Variants in PHLPP1 observed in about 807,000 individuals in gnomAD.
The protein encoded by PHLPP1 is PH domain leucine-rich repeat-containing protein phosphatase 1.
A neutral mutation model predicts 117.2 loss-of-function variants in PHLPP1; 42 were observed. The ratio of observed to expected loss-of-function variants is 0.36; its 90% CI spans 0.28 to 0.46. The LOEUF is 0.46. Among genes scored for constraint, PHLPP1 ranks in the 20% least tolerant of loss-of-function variants. The pLI is 1.00. For missense variants in PHLPP1, 2,084 were observed against 2,241.9 expected (o/e 0.93, Z 1.42); for synonymous variants, 1,042 against 970.7 (o/e 1.07, Z -1.37).
intron 3 of PHLPP1, among the ~76,000 whole-genome samples, chr18:62,858,476 T>C (rs1215269872): frequency 2.6e-5 from 4 of 152,174 alleles, no homozygotes; most frequent in Non-Finnish European, 4.4e-5. Context: ...TTGGCCAGGC[T>C]GGTCTGGAAC....
intron 13 of PHLPP1, among the ~76,000 whole-genome samples, 196 bp downstream of exon 13, chr18:62,958,955 G>T (rs1364694208): frequency 6.6e-6 from 1 of 152,240 alleles, no homozygotes; most frequent in African/African-American, 2.4e-5. Flanking sequence ...CACTGATAAC[G>T]TGGTTGTGAC....
intron 4 of PHLPP1, among the ~76,000 whole-genome samples, chr18:62,891,301 A>G (rs1916402050): frequency 6.6e-6 from 1 of 152,250 alleles, no homozygotes. Context: ...TAACTAAGAA[A>G]TATAGGCTGG....
rs763963973 is a variant in PHLPP1, at chr18:62,717,111, C to T, written c.1428C>T (p.His476=). 101 of 1,575,456 alleles carry T rather than the reference C, an allele frequency of 6.4e-5. No individual in the cohort carries two copies. Among genetic ancestry groups the T allele is most frequent in the Non-Finnish European group, 8.4e-5 (98 of 1,161,372 alleles). Residue 476 remains histidine (H), a synonymous_variant, in exon 1 of 17, where the codon CAC becomes CAT. Coordinates refer to ENST00000262719, the MANE Select transcript of PHLPP1 (RefSeq NM_194449.4). The part of the protein sequence containing the change: ...PPPPTLYVQL[H]GETTRRLEAE... The stretch of plus-strand genomic sequence containing the variant: ...CGCCCACCCTGTACGTGCAGCTCCA[C>T]GGAGAGACCACCCGGCGCTTGGAGG...
At chr18:62,952,902 G>A (rs1332706483) in intron 12 of PHLPP1, among the ~76,000 whole-genome samples, 2 of 152,120 alleles carry the variant, frequency 1.3e-5, no homozygotes, top group Admixed American at 6.5e-5. Context: ...AATTACAGAC[G>A]TGAGCCACTG....
intron 3 of PHLPP1, among the ~76,000 whole-genome samples, chr18:62,848,454 G>GTTTT (rs1491046399): frequency 9.9e-6 from 1 of 101,450 alleles, no homozygotes; most frequent in African/African-American, 3.5e-5. Flanking sequence ...GTTTTTTGTT[G>GTTTT]ATTTTTTTTT....
At chr18:62,976,319 C>T (rs968081112) in intron 16 of PHLPP1, among the ~76,000 whole-genome samples, 3 of 152,114 alleles carry the variant, frequency 2.0e-5, no homozygotes, top group Non-Finnish European at 2.9e-5. Flanking sequence ...AGGGCAGTCT[C>T]CACAACACAG....
intron 6 of PHLPP1, among the ~76,000 whole-genome samples, chr18:62,897,900 T>A (rs987324621): frequency 6.6e-6 from 1 of 151,766 alleles, no homozygotes; most frequent in Non-Finnish European, 1.5e-5. Flanking sequence ...TTTTATTCAA[T>A]TTTTTTTCCC....
chr18:62,789,430 A>G (rs1913393140), intron 1 of PHLPP1, among the ~76,000 whole-genome samples: 1 of 152,208 alleles, frequency 6.6e-6, no homozygotes, highest in Non-Finnish European at 1.5e-5. Flanking sequence ...TTGAAGAGTC[A>G]CATGGACAAA....
chr18:62,840,648 G>A (rs1296833502), intron 3 of PHLPP1, among the ~76,000 whole-genome samples: 1 of 152,204 alleles, frequency 6.6e-6, no homozygotes, highest in Non-Finnish European at 1.5e-5. Flanking sequence ...TAGGATCAAA[G>A]TGCAGCACAT....
chr18:62,736,883 A>G (rs886902549), intron 1 of PHLPP1, among the ~76,000 whole-genome samples: 2 of 152,200 alleles, frequency 1.3e-5, no homozygotes, highest in African/African-American at 2.4e-5. Context: ...TCTAGGAGCC[A>G]TTTATTTTTT....
At chr18:62,930,301 T>C (rs748133603) in intron 10 of PHLPP1, among the ~76,000 whole-genome samples, 1 of 152,202 alleles carries the variant, frequency 6.6e-6, no homozygotes, top group Non-Finnish European at 1.5e-5. Flanking sequence ...TCAGTACATG[T>C]GCTTGAACCC....
chr18:62,826,311 C>T, intron 1 of PHLPP1: 1 of 372,306 alleles, frequency 2.7e-6, no homozygotes, highest in Non-Finnish European at 5.3e-6. Context: ...ATAAGCTGAC[C>T]TTGGGGAATG....
chr18:62,836,049 G>A (rs1471804562), intron 2 of PHLPP1, among the ~76,000 whole-genome samples: 1 of 151,518 alleles, frequency 6.6e-6, no homozygotes, highest in Non-Finnish European at 1.5e-5. Context: ...CCAAAGTATT[G>A]GGATTATAGG....
chr18:62,932,158 G>A (rs1909833498), intron 10 of PHLPP1, among the ~76,000 whole-genome samples: 1 of 152,122 alleles, frequency 6.6e-6, no homozygotes, highest in Non-Finnish European at 1.5e-5. Context: ...AAGCCCCGGA[G>A]CAGGTGAATT....
chr18:62,766,076 A>AAAAAAAAATATAT, intron 1 of PHLPP1, among the ~76,000 whole-genome samples: 13 of 21,658 alleles, frequency 6.0e-4, no homozygotes, highest in Middle Eastern at 0.024. Context: ...AAAAAAAAAA[A>AAAAAAAAATATAT]ATATATATAT....
chr18:62,886,057 A>G (rs939202325), intron 4 of PHLPP1, among the ~76,000 whole-genome samples: 12 of 152,312 alleles, frequency 7.9e-5, no homozygotes, highest in African/African-American at 2.9e-4. Flanking sequence ...AGTAGATCAC[A>G]CCCCTAGATA....
intron 2 of PHLPP1, among the ~76,000 whole-genome samples, chr18:62,836,490 TA>T (rs1914907276): frequency 6.6e-6 from 1 of 150,630 alleles, no homozygotes; most frequent in Admixed American, 6.6e-5. Flanking sequence ...TAAATAAAAA[TA>T]AATTACTGGA....
At chr18:62,903,220 A>T in intron 7 of PHLPP1, 54 bp downstream of exon 7, 1 of 1,165,436 alleles carries the variant, frequency 8.6e-7, no homozygotes, top group South Asian at 1.3e-5. Context: ...GAATTTACCC[A>T]GCATCATTAT....
chr18:62,735,143 C>G (rs1410091659), intron 1 of PHLPP1, among the ~76,000 whole-genome samples: 4 of 151,766 alleles, frequency 2.6e-5, no homozygotes, highest in African/African-American at 9.7e-5. Flanking sequence ...CTCCTATGCT[C>G]AAGGCATCCT....
Sources: allele counts gnomAD v4.1 joint callset (sites outside exome capture counted in the v4.1 genomes callset), GRCh38; gene constraint gnomAD v4.1.1; transcripts MANE v1.5; gene names NCBI Gene and HGNC (gene_info 2026-07-23, HGNC 2026-07-21).